The following MGAT4A variants were observed in gnomAD, a reference collection of about 807,000 sequenced individuals.
MGAT4A encodes alpha-1,3-mannosyl-glycoprotein 4-beta-N-acetylglucosaminyltransferase A.
In MGAT4A, 33 loss-of-function variants were observed where a neutral mutation model predicts 74.1. The observed-to-expected ratio is 0.45, with a 90% CI of 0.34 to 0.60. MGAT4A has a LOEUF of 0.60. MGAT4A is among the 20% of genes least tolerant of loss of function. MGAT4A has a pLI of 0.02. For synonymous variants in MGAT4A, 198 were observed against 210.4 expected, an observed-to-expected ratio of 0.94 and a Z score of 0.51; for missense variants, 479 against 628.3, an observed-to-expected ratio of 0.76 and a Z score of 2.54.
intron 10 of MGAT4A, among the ~76,000 whole-genome samples, chr2:98,641,499 C>CAA (rs1205460540): frequency 0.029 from 2,179 of 75,192 alleles, 55 homozygotes; most frequent in Middle Eastern, 0.057. Context: ...ACTAAAAATA[C>CAA]AAAAAAAAAA....
chr2:98,645,588 G>A, intron 8 of MGAT4A, 46 bp from the exon 9 acceptor site: 8 of 1,328,974 alleles, frequency 6.0e-6, no homozygotes, highest in Non-Finnish European at 8.1e-6. Context: ...AAAAAGAAAG[G>A]TATTGAGAGA....
rs767716476 is a variant in MGAT4A, at chr2:98,656,597, G to GTT, written c.585-133_585-132insAA. The GTT allele has an allele frequency of 3.7e-4, 210 of 564,694 alleles. 2 individuals are homozygous for GTT. Among genetic ancestry groups the GTT allele is most frequent in the South Asian group, 9.4e-4 (37 of 39,570 alleles). The allele number at this position is 564,694 out of a possible 1,614,324, so 35.0% of individuals were successfully genotyped here. A position where few individuals can be genotyped will look rare whatever the true frequency, so the allele number is the denominator to read the frequency against. On this transcript the variant is annotated intron_variant, in intron 6 of 15. Transcript: ENST00000393487. Reference sequence around the variant, plus strand: ...CAACGTATAATGTTATGGCCGCAAGGTGTTAAAAGGAGCAGCTCATCACTG... The same window carrying GTT: ...CAACGTATAATGTTATGGCCGCAAGGTTTGTTAAAAGGAGCAGCTCATCACTG...
At chr2:98,632,878 G>A (rs1332283738) in intron 14 of MGAT4A, among the ~76,000 whole-genome samples, 1 of 152,208 alleles carries the variant, frequency 6.6e-6, no homozygotes, top group Non-Finnish European at 1.5e-5. Flanking sequence ...TCCAGCCTCA[G>A]CCTACTAAGT....
chr2:98,663,523 G>A (rs932239495), intron 4 of MGAT4A: 12 of 1,271,350 alleles, frequency 9.4e-6, no homozygotes, highest in Middle Eastern at 2.9e-4. Context: ...CTTATCTCTC[G>A]ACTTCAAGCA....
intron 14 of MGAT4A, among the ~76,000 whole-genome samples, chr2:98,629,644 A>T (rs758783655): frequency 2.7e-4 from 41 of 152,236 alleles, no homozygotes; most frequent in Non-Finnish European, 3.5e-4. Context: ...ACCGCAAAAG[A>T]TTGCAAACAA....
At chr2:98,628,031 G>A (rs1488176170) in intron 14 of MGAT4A, among the ~76,000 whole-genome samples, 3 of 151,890 alleles carry the variant, frequency 2.0e-5, no homozygotes, top group African/African-American at 7.3e-5. Flanking sequence ...ATAAATTAAT[G>A]CAACTAAGCC....
At position 98,726,425 on chromosome 2, in the gene MGAT4A, C is replaced by A; in HGVS notation, c.-93G>T. ...CTGAAAGTCAACTGAATGCAGTACT[C>A]CTGGCTCTAGGCCAATAAAAATCAA... is the stretch of plus-strand genomic sequence containing the variant. On this transcript the variant is annotated 5_prime_UTR_variant, in exon 2 of 16. Transcript: ENST00000393487. The A allele has an allele frequency of 2.0e-6, 2 of 1,004,356 alleles. No individual in the cohort carries two copies. Among genetic ancestry groups the A allele is most frequent in the Admixed American group, 4.4e-5 (2 of 45,790 alleles). 62.2% of individuals were successfully genotyped at this position (1,004,356 alleles called of 1,614,324 possible).
intron 2 of MGAT4A, among the ~76,000 whole-genome samples, chr2:98,693,292 C>T (rs1256432383): frequency 6.6e-6 from 1 of 151,828 alleles, no homozygotes; most frequent in Non-Finnish European, 1.5e-5. Context: ...GCAAACCTAT[C>T]TGAAAAGAAT....
At chr2:98,678,241 A>ATAT (rs1452159164) in intron 3 of MGAT4A, 63 bp downstream of exon 3, 1 of 365,328 alleles carries the variant, frequency 2.7e-6, no homozygotes, top group African/African-American at 2.6e-5. Flanking sequence ...AAGAAAAAAA[A>ATAT]AAAAAAAAAT....
intron 10 of MGAT4A, among the ~76,000 whole-genome samples, chr2:98,640,531 G>A (rs1165959787): frequency 6.6e-6 from 1 of 152,074 alleles, no homozygotes; most frequent in Non-Finnish European, 1.5e-5. Context: ...TTGAACCCAG[G>A]AGGCAGAGGT....
intron 2 of MGAT4A, among the ~76,000 whole-genome samples, chr2:98,724,943 C>T (rs574125975): frequency 6.6e-6 from 1 of 152,302 alleles, no homozygotes; most frequent in African/African-American, 2.4e-5. Flanking sequence ...GGCATGATGG[C>T]CTGCGCCTGT....
intron 2 of MGAT4A, among the ~76,000 whole-genome samples, chr2:98,705,866 C>T (rs1006114221): frequency 6.7e-4 from 99 of 147,196 alleles, no homozygotes; most frequent in Non-Finnish European, 2.2e-4. Flanking sequence ...GGCGTGAACC[C>T]GGGAAGCGGA....
chr2:98,622,416 T>G lies in MGAT4A; in HGVS notation c.*3150A>C. On this transcript the variant is annotated 3_prime_UTR_variant, in exon 16 of 16. Coordinates refer to ENST00000393487, the MANE Select transcript of MGAT4A (RefSeq NM_012214.3). Reference sequence around the variant, plus strand: ...AATGTTTTTATTTAAACAGCCCCCATGTGTCTACTGGCTATATGTGTTTTT... The same window carrying G: ...AATGTTTTTATTTAAACAGCCCCCAGGTGTCTACTGGCTATATGTGTTTTT... 1.0e-6 allele frequency: 1 copy of G among 985,348 alleles called. No individual in the cohort carries two copies. The highest frequency in any genetic ancestry group is 1.2e-6 in the Non-Finnish European group (1 of 829,806). The allele number at this position is 985,348 out of a possible 1,614,324, so 61.0% of individuals were successfully genotyped here. A position where few individuals can be genotyped will look rare whatever the true frequency, so the allele number is the denominator to read the frequency against.
chr2:98,635,988 A>AAAAAAT (rs1701313185), intron 13 of MGAT4A, among the ~76,000 whole-genome samples: 1 of 140,660 alleles, frequency 7.1e-6, no homozygotes, highest in South Asian at 2.3e-4. Context: ...TCTGTCTCAA[A>AAAAAAT]AAAATAAAAT....
rs541679605 is a variant in MGAT4A, at chr2:98,624,444, G to A, written c.*1122C>T. The A allele has an allele frequency of 1.5e-4, 148 of 965,452 alleles. No individual in the cohort carries two copies. Among genetic ancestry groups the A allele is most frequent in the African/African-American group, 1.0e-3 (58 of 56,796 alleles). 59.8% of individuals were successfully genotyped at this position (965,452 alleles called of 1,614,324 possible). On this transcript the variant is annotated 3_prime_UTR_variant, in exon 16 of 16. Coordinates refer to ENST00000393487, the MANE Select transcript of MGAT4A (RefSeq NM_012214.3). ...GTAATAAATACAGTCTCTTGGACAC[G>A]GGACTCACTTATCAGTTCATACTAC...
chr2:98,638,371 A>G (rs548109124), intron 12 of MGAT4A, among the ~76,000 whole-genome samples: 2 of 152,344 alleles, frequency 1.3e-5, no homozygotes, highest in East Asian at 3.9e-4. Context: ...CTATAAGGAT[A>G]TTCTATAAAG....
At chr2:98,662,434 T>C (rs1478503748) in intron 5 of MGAT4A, among the ~76,000 whole-genome samples, 1 of 152,196 alleles carries the variant, frequency 6.6e-6, no homozygotes, top group Admixed American at 6.5e-5. Flanking sequence ...ACCATTTTCA[T>C]TTAAAAAGAC....
At chr2:98,647,435 C>T (rs1172699059) in intron 8 of MGAT4A, among the ~76,000 whole-genome samples, 1 of 152,170 alleles carries the variant, frequency 6.6e-6, no homozygotes, top group Non-Finnish European at 1.5e-5. Flanking sequence ...CTGCCTCAGC[C>T]TCCCCAAGTA....
At chr2:98,713,213 G>A (rs28501671) in intron 2 of MGAT4A, among the ~76,000 whole-genome samples, 1 of 136,092 alleles carries the variant, frequency 7.3e-6, no homozygotes, top group Non-Finnish European at 1.5e-5. Context: ...AAAAAAAGCC[G>A]TTTATCTTTA....
Sources: allele counts gnomAD v4.1 joint callset (sites outside exome capture counted in the v4.1 genomes callset), GRCh38; gene constraint gnomAD v4.1.1; transcripts MANE v1.5; gene names NCBI Gene and HGNC (gene_info 2026-07-23, HGNC 2026-07-21).